GHR: variants seen among roughly 807,000 people sequenced by gnomAD.
The protein encoded by GHR is GH receptor.
GHR carries 35 observed loss-of-function variants against 67.1 expected under a neutral mutation model. That is an observed-to-expected ratio of 0.52 (90% CI 0.40 to 0.69). The LOEUF (loss-of-function observed/expected upper bound fraction) is 0.69. GHR is among the 30% of genes least tolerant of loss of function. The pLI, the probability that GHR is intolerant of heterozygous loss-of-function variation, is 0.00. For missense variants in GHR, 792 were observed against 764.6 expected (o/e 1.04, Z -0.42); for synonymous variants, 272 against 269.1 (o/e 1.01, Z -0.10).
In GHR at chr5:42,550,078, A is replaced by G; in HGVS notation, c.-11-15786A>G. ...ATTTGTTTGTATTGTCTGCCTGATGATCAATGATATTAGCTATGACAGCAC... is the reference window on the plus strand; with the variant it reads ...ATTTGTTTGTATTGTCTGCCTGATGGTCAATGATATTAGCTATGACAGCAC... On this transcript the variant is annotated intron_variant, in intron 1 of 9. Coordinates refer to ENST00000230882, the MANE Select transcript of GHR (RefSeq NM_000163.5). 4 of 975,442 alleles carry G rather than the reference A, an allele frequency of 4.1e-6. No homozygotes were observed. The South Asian group carries it at 1.4e-4, about 35-fold the overall frequency. The allele number at this position is 975,442 out of a possible 1,614,324, so 60.4% of individuals were successfully genotyped here.
chr5:42,441,659 T>G (rs1401339643), intron 1 of GHR, among the ~76,000 whole-genome samples: 7 of 151,864 alleles, frequency 4.6e-5, no homozygotes, highest in Non-Finnish European at 1.5e-5. Flanking sequence ...ACAGGTGCCC[T>G]CCACCACGCC....
intron 4 of GHR, among the ~76,000 whole-genome samples, chr5:42,693,617 A>T (rs1026964405): frequency 6.6e-6 from 1 of 152,174 alleles, no homozygotes; most frequent in African/African-American, 2.4e-5. Context: ...AGAAACAGCT[A>T]TAAGAAGGAA....
intron 2 of GHR, among the ~76,000 whole-genome samples, chr5:42,573,979 G>A (rs886619104): frequency 6.6e-6 from 1 of 152,124 alleles, no homozygotes; most frequent in African/African-American, 2.4e-5. Flanking sequence ...ACTTGATGAT[G>A]TTTGCCACAT....
intron 1 of GHR, among the ~76,000 whole-genome samples, chr5:42,440,791 T>C (rs1743532661): frequency 1.3e-5 from 2 of 152,184 alleles, no homozygotes; most frequent in South Asian, 4.1e-4. Flanking sequence ...ATTTATAATA[T>C]ATTTGTGAAG....
chr5:42,468,396 T>C (rs1744832954), intron 1 of GHR: 6 of 1,209,172 alleles, frequency 5.0e-6, no homozygotes, highest in African/African-American at 1.5e-5. Flanking sequence ...CTAAGCTTTA[T>C]GTTTCAAAAG....
intron 1 of GHR, among the ~76,000 whole-genome samples, chr5:42,459,986 C>T (rs7726811): frequency 0.022 from 3,353 of 152,222 alleles, 120 homozygotes; most frequent in African/African-American, 0.077. Context: ...GCCCTAACCT[C>T]CAATGTGGCT....
At chr5:42,491,137 A>G (rs1007343268) in intron 1 of GHR, among the ~76,000 whole-genome samples, 4 of 152,248 alleles carry the variant, frequency 2.6e-5, no homozygotes, top group African/African-American at 9.6e-5. Flanking sequence ...TTGGATATGT[A>G]GTGAACACTG....
At chr5:42,514,565 A>G (rs773359595) in intron 1 of GHR, among the ~76,000 whole-genome samples, 23 of 152,166 alleles carry the variant, frequency 1.5e-4, no homozygotes, top group Non-Finnish European at 2.9e-4. Context: ...GGGTTGAGAA[A>G]TAGATGTGGA....
chr5:42,441,129 GA>G (rs1231560315), intron 1 of GHR, among the ~76,000 whole-genome samples: 3 of 152,234 alleles, frequency 2.0e-5, no homozygotes, highest in East Asian at 3.9e-4. Context: ...TGAAGTGAGA[GA>G]AGAAAGCATA....
chr5:42,602,693 G>A (rs1752439594), intron 2 of GHR, among the ~76,000 whole-genome samples: 1 of 151,984 alleles, frequency 6.6e-6, no homozygotes. Context: ...TCACCAAAGG[G>A]CTTACATAAA....
chr5:42,531,061 A>C (rs2112339452), intron 1 of GHR, among the ~76,000 whole-genome samples: 1 of 152,302 alleles, frequency 6.6e-6, no homozygotes, highest in South Asian at 2.1e-4. Context: ...TGAGGTCAAG[A>C]GTTCAAGACT....
At chr5:42,524,376 TAGAGATTCATGGAACTTTGAAAGTG>T (rs1747611523) in intron 1 of GHR, among the ~76,000 whole-genome samples, 1 of 152,140 alleles carries the variant, frequency 6.6e-6, no homozygotes, top group South Asian at 2.1e-4. Context: ...CATTTTGCCC[TAGAGATTCATGGAACTTTGAAAGTG>T]AGAGATGATT....
intron 1 of GHR, among the ~76,000 whole-genome samples, chr5:42,519,115 G>A (rs567740237): frequency 2.0e-5 from 3 of 152,088 alleles, no homozygotes; most frequent in African/African-American, 4.8e-5. Flanking sequence ...AAATAATATC[G>A]TATATACTTT....
chr5:42,446,723 G>T (rs966458604), intron 1 of GHR, among the ~76,000 whole-genome samples: 3 of 152,182 alleles, frequency 2.0e-5, no homozygotes, highest in African/African-American at 4.8e-5. Context: ...CAGCATCTTT[G>T]TTGGATGAAA....
At chr5:42,517,729 TG>T (rs1019326716) in intron 1 of GHR, among the ~76,000 whole-genome samples, 1 of 152,160 alleles carries the variant, frequency 6.6e-6, no homozygotes, top group Non-Finnish European at 1.5e-5. Flanking sequence ...GTTTCTTAAG[TG>T]GTATTATTCA....
chr5:42,647,957 G>T (rs1373121495), intron 3 of GHR, among the ~76,000 whole-genome samples: 7 of 152,128 alleles, frequency 4.6e-5, no homozygotes, highest in Non-Finnish European at 1.0e-4. Flanking sequence ...TTATGCAGTT[G>T]TCACATTTTG....
chr5:42,566,660 C>T (rs1053150363), intron 2 of GHR, among the ~76,000 whole-genome samples: 8 of 138,476 alleles, frequency 5.8e-5, no homozygotes, highest in Admixed American at 1.4e-4. Context: ...TGCTCTCTAA[C>T]GGGTGGGAGA....
At chr5:42,714,777 AT>A (rs1193002664) in intron 8 of GHR, among the ~76,000 whole-genome samples, 3 of 152,194 alleles carry the variant, frequency 2.0e-5, no homozygotes, top group Non-Finnish European at 4.4e-5. Context: ...TATTTTTAGA[AT>A]TTTAATTTGT....
intron 1 of GHR, among the ~76,000 whole-genome samples, chr5:42,545,328 G>A (rs1222254073): frequency 2.0e-5 from 3 of 151,912 alleles, no homozygotes; most frequent in African/African-American, 7.3e-5. Context: ...CAATATAATT[G>A]GCAGGTACTT....
Sources: allele counts gnomAD v4.1 joint callset (sites outside exome capture counted in the v4.1 genomes callset), GRCh38; gene constraint gnomAD v4.1.1; transcripts MANE v1.5; gene names NCBI Gene and HGNC (gene_info 2026-07-23, HGNC 2026-07-21).